The following TRPS1 variants were observed in gnomAD, a reference collection of about 807,000 sequenced individuals.
The protein encoded by TRPS1 is zinc finger transcription factor Trps1.
In TRPS1, 6 loss-of-function variants were observed where a neutral mutation model predicts 101.2. The ratio of observed to expected loss-of-function variants is 0.06; its 90% confidence interval spans 0.03 to 0.12. The LOEUF (loss-of-function observed/expected upper bound fraction) is 0.12, where lower values mean the gene tolerates loss of function less well. Ranked by LOEUF, TRPS1 falls within the 10% of genes least tolerant of loss-of-function variation. The pLI is 1.00. For missense variants in TRPS1, 1,363 were observed against 1,567.0 expected (o/e 0.87, Z 2.20); for synonymous variants, 578 against 589.8 (o/e 0.98, Z 0.29).
In TRPS1 at chr8:115,619,976, C is replaced by A; in HGVS notation, c.122G>T (p.Ser41Ile). Residue 41 changes from serine (S) to isoleucine (I), a missense_variant, in exon 3 of 7, where the codon AGC becomes ATC. Transcript: ENST00000395715. The stretch of plus-strand genomic sequence containing the variant: ...TTCTTTGTTCTTTCCAGATACCTTG[C>A]TTTCTGTACCTATAGGCTCCAGGAT... ...GQILEPIGTESKVSGKNKEFS... is the reference protein window; with the variant it reads ...GQILEPIGTEIKVSGKNKEFS... 2 of 1,614,152 alleles carry A rather than the reference C, an allele frequency of 1.2e-6. No homozygotes were observed. Among genetic ancestry groups the A allele is most frequent in the Non-Finnish European group, 1.7e-6 (2 of 1,180,034 alleles).
At chr8:115,482,960 C>A (rs974060324) in intron 5 of TRPS1, among the ~76,000 whole-genome samples, 4 of 152,186 alleles carry the variant, frequency 2.6e-5, no homozygotes. Context: ...TAAGCAGTAG[C>A]AATTTGCCTT....
At chr8:115,419,084 G>A (rs899494049) in intron 5 of TRPS1, among the ~76,000 whole-genome samples, 1 of 152,076 alleles carries the variant, frequency 6.6e-6, no homozygotes, top group African/African-American at 2.4e-5. Flanking sequence ...CCCTTATGAG[G>A]TGCCCACTTA....
chr8:115,414,946 C>T lies in TRPS1; in HGVS notation c.2962G>A (p.Val988Ile), dbSNP rs764941297. ...KQQRGSNEEQ[V>I]NGSPLERRSE... ...CTCCTCTCTAACGGGCTTCCATTGA[C>T]TTGCTCCTCATTGCTGCCCCTCTGC... The change falls in exon 7 of 7, where the codon GTC becomes ATC. Residue 988 changes from valine to isoleucine, a missense_variant. Coordinates refer to ENST00000395715, the MANE Select transcript of TRPS1 (RefSeq NM_014112.5). The surrounding 1 kb of genome is among the most constrained non-coding windows in gnomAD (Gnocchi z 4.8). 2.5e-6 allele frequency: 4 copies of T among 1,594,944 alleles called. No homozygotes were observed. Among genetic ancestry groups the T allele is most frequent in the Non-Finnish European group, 3.4e-6 (4 of 1,171,160 alleles).
intron 5 of TRPS1, among the ~76,000 whole-genome samples, chr8:115,493,603 C>T (rs940294978): frequency 6.6e-6 from 1 of 151,948 alleles, no homozygotes; most frequent in African/African-American, 2.4e-5. Context: ...CCCGCCTCAG[C>T]CTCCCAAAGT....
chr8:115,458,660 T>C (rs1814089332), intron 5 of TRPS1, among the ~76,000 whole-genome samples: 1 of 152,212 alleles, frequency 6.6e-6, no homozygotes, highest in African/African-American at 2.4e-5. Flanking sequence ...ACCAAACATG[T>C]AGGCAGCACC....
chr8:115,619,292 T>A lies in TRPS1; in HGVS notation c.806A>T (p.Gln269Leu). Residue 269 changes from glutamine (Q) to leucine (L), a missense_variant, in exon 3 of 7, where the codon CAA becomes CTA. Physicochemically the swap from Gln to Leu is moderately radical, Grantham distance 113. This residue lies in a region of TRPS1 where 1,020 missense variants were observed against 1,073.0 expected (regional missense o/e 0.95). Transcript: ENST00000395715. ...GATTTTGCTGTCCAGCTCAGCATCT[T>A]GCCTGGTGCGGTTATGCAGTCCTAA... ...YHLGLHNRTR[Q>L]DAELDSKILA... The A allele has an allele frequency of 1.9e-6, 3 of 1,614,128 alleles. No individual in the cohort carries two copies. The highest frequency in any genetic ancestry group is 2.5e-6 in the Non-Finnish European group (3 of 1,179,948).
chr8:115,547,552 C>T (rs1816604321), intron 5 of TRPS1, among the ~76,000 whole-genome samples: 1 of 152,132 alleles, frequency 6.6e-6, no homozygotes, highest in South Asian at 2.1e-4. Flanking sequence ...GTTAGTGTTT[C>T]AAATAGAAGG....
intron 1 of TRPS1, among the ~76,000 whole-genome samples, chr8:115,660,774 T>C (rs1811775389): frequency 6.6e-6 from 1 of 151,940 alleles, no homozygotes; most frequent in Non-Finnish European, 1.5e-5. Flanking sequence ...TAAAAGTATA[T>C]GGAATGTTTT....
chr8:115,530,944 G>C (rs553191272), intron 5 of TRPS1, among the ~76,000 whole-genome samples: 4 of 152,052 alleles, frequency 2.6e-5, no homozygotes, highest in Non-Finnish European at 2.9e-5. Context: ...GTGGGGGAAG[G>C]GGGGAGGGAT....
At chr8:115,460,098 C>T (rs1814129698) in intron 5 of TRPS1, among the ~76,000 whole-genome samples, 1 of 152,102 alleles carries the variant, frequency 6.6e-6, no homozygotes, top group African/African-American at 2.4e-5. Flanking sequence ...GGAGGAATCT[C>T]TCTCTTTTTT....
chr8:115,531,650 G>A (rs934378992), intron 5 of TRPS1, among the ~76,000 whole-genome samples: 2 of 152,082 alleles, frequency 1.3e-5, no homozygotes, highest in Non-Finnish European at 2.9e-5. Context: ...TGTTAGGAAT[G>A]GGAGGAAGCT....
At chr8:115,519,144 AAGT>A (rs1815795075) in intron 5 of TRPS1, among the ~76,000 whole-genome samples, 1 of 151,688 alleles carries the variant, frequency 6.6e-6, no homozygotes. Flanking sequence ...ATTAACTTAT[AAGT>A]AGTATTTTCG....
chr8:115,586,838 T>C (rs1817569834), intron 5 of TRPS1, 163 bp downstream of exon 5: 1 of 1,140,374 alleles, frequency 8.8e-7, no homozygotes, highest in Non-Finnish European at 1.3e-6. Context: ...CAAACACACA[T>C]GAGTTACTTG....
At chr8:115,456,251 C>T (rs753891945) in intron 5 of TRPS1, among the ~76,000 whole-genome samples, 15 of 152,158 alleles carry the variant, frequency 9.9e-5, no homozygotes, top group Middle Eastern at 6.8e-3. Flanking sequence ...AATTACGCAA[C>T]GTGTCAAGAA....
intron 1 of TRPS1, among the ~76,000 whole-genome samples, chr8:115,642,072 G>A (rs1239212104): frequency 2.0e-5 from 3 of 151,866 alleles, no homozygotes; most frequent in Non-Finnish European, 4.4e-5. Context: ...AATTAGCAAA[G>A]GCATGATGGC....
chr8:115,418,333 G>A lies in TRPS1; in HGVS notation c.2820C>T (p.His940=), dbSNP rs962056836. The A allele has an allele frequency of 3.7e-6, 6 of 1,614,072 alleles. No homozygotes were observed. The highest frequency in any genetic ancestry group is 5.1e-6 in the Non-Finnish European group (6 of 1,179,972). ...CNACGLYQKL[H]STPRPLNIIK... ...AAAGAGTGGAACAAGTTCTTACCGA[G>A]TGAAGCTTCTGGTAGAGGCCACACG... is the stretch of plus-strand genomic sequence containing the variant. Residue 940 remains histidine, a synonymous_variant, in exon 6 of 7, where the codon CAC becomes CAT. Coordinates refer to ENST00000395715, the MANE Select transcript of TRPS1 (RefSeq NM_014112.5). The surrounding 1 kb of genome is among the most constrained non-coding windows in gnomAD (Gnocchi z 4.3).
intron 5 of TRPS1, among the ~76,000 whole-genome samples, chr8:115,578,635 G>GA (rs1817375247): frequency 6.6e-6 from 1 of 151,756 alleles, no homozygotes; most frequent in Non-Finnish European, 1.5e-5. Flanking sequence ...AATTAAAAAA[G>GA]AAAATTATAA....
In TRPS1 at chr8:115,561,123, A is replaced by G. The variant is rs2130367892; in HGVS notation, c.2700+25878T>C. 2.6e-5 allele frequency among the ~76,000 whole-genome samples: 4 copies of G among 152,296 alleles called. No homozygotes were observed. The Middle Eastern group carries it at 0.01, about 389-fold the overall frequency. On this transcript the variant is annotated intron_variant, in intron 5 of 6. Transcript: ENST00000395715. The stretch of plus-strand genomic sequence containing the variant: ...TGTTTCAAAATATTTTATAAACAAA[A>G]CCTCTGTGGTACAAAGTAAGAGAAG...
chr8:115,572,927 G>A (rs968380116), intron 5 of TRPS1, among the ~76,000 whole-genome samples: 3 of 152,072 alleles, frequency 2.0e-5, no homozygotes, highest in African/African-American at 7.2e-5. Context: ...GAGGTCAGGA[G>A]TTCGAGACCA....
Sources: allele counts gnomAD v4.1 joint callset (sites outside exome capture counted in the v4.1 genomes callset), GRCh38; gene constraint gnomAD v4.1.1; regional missense constraint gnomAD v4.1.1; non-coding constraint Gnocchi (gnomAD v3.1); transcripts MANE v1.5; gene names NCBI Gene and HGNC (gene_info 2026-07-23, HGNC 2026-07-21).